The following PHACTR1 variants were observed in gnomAD, a reference collection of about 807,000 sequenced individuals.
The protein encoded by PHACTR1 is RPEL repeat containing 1.
In PHACTR1, 16 loss-of-function variants were observed where a neutral mutation model predicts 69.2. The ratio of observed to expected loss-of-function variants is 0.23; its 90% confidence interval spans 0.16 to 0.35. The LOEUF is 0.35. PHACTR1 is among the 10% of genes least tolerant of loss of function. PHACTR1 has a pLI of 1.00. For synonymous variants in PHACTR1, 312 were observed against 284.5 expected (o/e 1.10, Z -0.97); for missense variants, 510 against 734.7 (o/e 0.69, Z 3.54).
At position 12,845,425 on chromosome 6, in the gene PHACTR1, A is replaced by ACCCCCC. The variant is rs1332657788; in HGVS notation, c.250+95638_250+95639insCCCCCC. On this transcript the variant is annotated intron_variant, in intron 4 of 14. Transcript: ENST00000332995. ...GTGCCAAGATGTCATTGTGAACACC[A>ACCCCCC]CCCACCCCCCCCCCCCCCGCCCTCC... 4.7e-3 allele frequency among the ~76,000 whole-genome samples: 69 copies of ACCCCCC among 14,808 alleles called. 1 individual carries two copies. The highest frequency in any genetic ancestry group is 0.032 in the East Asian group (2 of 62). The allele number at this position is 14,808 out of a possible 152,430, so 9.7% of individuals were successfully genotyped here. A position where few individuals can be genotyped will look rare whatever the true frequency, so the allele number is the denominator to read the frequency against.
intron 10 of PHACTR1, among the ~76,000 whole-genome samples, chr6:13,263,680 G>A (rs1312253357): frequency 4.6e-5 from 7 of 152,130 alleles, no homozygotes; most frequent in Non-Finnish European, 7.3e-5. Context: ...AAGTGATCAC[G>A]TTTAGATATA....
chr6:12,875,914 A>G (rs1782487322), intron 4 of PHACTR1, among the ~76,000 whole-genome samples: 1 of 152,202 alleles, frequency 6.6e-6, no homozygotes. Context: ...CTGCGTGGAA[A>G]AACCAGGAAG....
intron 4 of PHACTR1, among the ~76,000 whole-genome samples, chr6:13,052,246 A>G (rs972459086): frequency 1.3e-5 from 2 of 152,220 alleles, no homozygotes; most frequent in Non-Finnish European, 2.9e-5. Flanking sequence ...TCAGAATTCC[A>G]TATGTATTTA....
Position 12,813,128 on chromosome 6 carries a change from CAG to C in PHACTR1, c.250+63346_250+63347del, listed in dbSNP as rs374584415. 4.2e-3 allele frequency among the ~76,000 whole-genome samples: 634 copies of C among 152,116 alleles called. 5 individuals carry two copies. The highest frequency in any genetic ancestry group is 0.015 in the African/African-American group (611 of 41,496). ...GTGGATCTTAGGTATTAAGGATGCA[CAG>C]AGAGAGAAAAAAACAGACAGGAAGC... On this transcript the variant is annotated intron_variant, in intron 4 of 14. Coordinates refer to ENST00000332995, the MANE Select transcript of PHACTR1 (RefSeq NM_030948.6).
intron 10 of PHACTR1, among the ~76,000 whole-genome samples, chr6:13,242,344 C>G (rs907549952): frequency 6.6e-6 from 1 of 152,320 alleles, no homozygotes; most frequent in Non-Finnish European, 1.5e-5. Flanking sequence ...GTTGGATGAG[C>G]GTAAAGGACC....
At chr6:13,097,678 G>A (rs985624070) in intron 5 of PHACTR1, among the ~76,000 whole-genome samples, 1 of 152,166 alleles carries the variant, frequency 6.6e-6, no homozygotes, top group Non-Finnish European at 1.5e-5. Flanking sequence ...AAACTTGGCA[G>A]CCTCAGTGGG....
chr6:13,073,978 T>G (rs1346924918), intron 5 of PHACTR1, among the ~76,000 whole-genome samples: 1 of 151,914 alleles, frequency 6.6e-6, no homozygotes, highest in African/African-American at 2.4e-5. Flanking sequence ...GTTCAAGTGA[T>G]TCTCCTGCCT....
chr6:13,069,320 G>C (rs1293207372), intron 5 of PHACTR1, among the ~76,000 whole-genome samples: 2 of 152,142 alleles, frequency 1.3e-5, no homozygotes, highest in Non-Finnish European at 1.5e-5. Flanking sequence ...TTCTGTCCCA[G>C]TGCCATTTCT....
At chr6:12,749,363 G>T (rs1581574379) in intron 3 of PHACTR1, 4 of 512,232 alleles carry the variant, frequency 7.8e-6, no homozygotes, top group Middle Eastern at 5.9e-4. Flanking sequence ...AGGAGTCTGG[G>T]GGAGCCCCGG....
At chr6:13,186,134 C>T (rs574831389) in intron 7 of PHACTR1, among the ~76,000 whole-genome samples, 8 of 152,276 alleles carry the variant, frequency 5.3e-5, no homozygotes, top group East Asian at 1.9e-4. Flanking sequence ...TTCCATCAAA[C>T]GGAACCATCT....
At chr6:12,985,702 G>A (rs963552917) in intron 4 of PHACTR1, among the ~76,000 whole-genome samples, 24 of 151,840 alleles carry the variant, frequency 1.6e-4, no homozygotes, top group African/African-American at 5.6e-4. Flanking sequence ...GTGTAATTAT[G>A]CAATGGTATA....
At position 13,283,388 on chromosome 6, in the gene PHACTR1, G is replaced by A; in HGVS notation, c.1510-34G>A. 1.2e-6 allele frequency: 2 copies of A among 1,609,494 alleles called. No individual in the cohort carries two copies. The highest frequency in any genetic ancestry group is 1.7e-6 in the Non-Finnish European group (2 of 1,178,058). ...ACCAAGTGCCATGGTCAACCCTTCT[G>A]GCTGACTGGGTCCATCTCTCTCCCT... On this transcript the variant is annotated intron_variant, in intron 12 of 14. Transcript: ENST00000332995. The surrounding 1 kb of genome is among the most constrained non-coding windows in gnomAD (Gnocchi z 4.7).
chr6:12,905,607 G>A lies in PHACTR1; in HGVS notation c.251-147758G>A, dbSNP rs941937124. On this transcript the variant is annotated intron_variant, in intron 4 of 14. Transcript: ENST00000332995. ...CAGCAGGAGAGGGATAACTAAAACA[G>A]GCTCAGGAGGGAGAGGGCATGACAG... is the stretch of plus-strand genomic sequence containing the variant. Among the ~76,000 whole-genome samples the A allele has an allele frequency of 6.6e-5, 10 of 152,162 alleles. 1 individual carries two copies. Among genetic ancestry groups the A allele is most frequent in the Admixed American group, 6.5e-4 (10 of 15,280 alleles).
chr6:13,069,844 C>T (rs561453761), intron 5 of PHACTR1, among the ~76,000 whole-genome samples: 15 of 152,270 alleles, frequency 9.9e-5, no homozygotes, highest in African/African-American at 3.6e-4. Context: ...GTATTATTAA[C>T]TTCATTTGAC....
intron 4 of PHACTR1, among the ~76,000 whole-genome samples, chr6:12,900,119 T>C (rs1055714621): frequency 1.3e-5 from 2 of 152,218 alleles, no homozygotes; most frequent in Admixed American, 1.3e-4. Context: ...TGTATCGCCT[T>C]CTGGTCTCCT....
intron 4 of PHACTR1, among the ~76,000 whole-genome samples, chr6:12,818,861 T>G (rs1488967269): frequency 6.6e-6 from 1 of 152,212 alleles, no homozygotes; most frequent in Non-Finnish European, 1.5e-5. Context: ...GCTTCCTTTT[T>G]ACTGTTTGGA....
intron 4 of PHACTR1, among the ~76,000 whole-genome samples, chr6:12,792,385 AC>A (rs1772409412): frequency 7.2e-6 from 1 of 138,826 alleles, no homozygotes; most frequent in Non-Finnish European, 1.5e-5. Context: ...AATCACTTGA[AC>A]CCGGGAGGCG....
intron 5 of PHACTR1, among the ~76,000 whole-genome samples, chr6:13,086,083 TA>T (rs776154642): frequency 0.01 from 616 of 60,268 alleles, 4 homozygotes; most frequent in Middle Eastern, 0.018. Flanking sequence ...TACACATTTC[TA>T]AAAAAAAAAA....
intron 5 of PHACTR1, among the ~76,000 whole-genome samples, chr6:13,062,672 T>G (rs2127754630): frequency 6.6e-6 from 1 of 152,312 alleles, no homozygotes; most frequent in South Asian, 2.1e-4. Flanking sequence ...TTCTCATTCC[T>G]CTATCAGGAA....
Sources: gnomAD v4.1 joint callset for allele counts (sites outside exome capture counted in the v4.1 genomes callset) on GRCh38, gnomAD v4.1.1 for gene constraint, Gnocchi (gnomAD v3.1) non-coding constraint, MANE v1.5 for transcripts, NCBI Gene and HGNC (gene_info 2026-07-23, HGNC 2026-07-21) for gene names.